The following SGCZ variants were observed in gnomAD, a reference collection of about 807,000 sequenced individuals.
The protein encoded by SGCZ is zeta-sarcoglycan.
Under a neutral mutation model 41.3 loss-of-function variants are expected in SGCZ, and 40 were observed. The ratio of observed to expected loss-of-function variants is 0.97; its 90% confidence interval spans 0.75 to 1.26. The LOEUF (loss-of-function observed/expected upper bound fraction) is 1.26. SGCZ is among the 50% of genes most tolerant of loss of function. The pLI, the probability that SGCZ is intolerant of heterozygous loss-of-function variation, is 0.00. For missense variants in SGCZ, 552 were observed against 369.8 expected, an observed-to-expected ratio of 1.49 and a Z score of -4.04; for synonymous variants, 206 against 137.5, an observed-to-expected ratio of 1.50 and a Z score of -3.49.
chr8:14,250,815 A>G (rs943466050), intron 3 of SGCZ, among the ~76,000 whole-genome samples: 8 of 152,182 alleles, frequency 5.3e-5, no homozygotes, highest in African/African-American at 1.7e-4. Flanking sequence ...TAGTGCCCTG[A>G]CAACTCTTCT....
At chr8:14,953,679 T>C (rs1299349653) in intron 1 of SGCZ, among the ~76,000 whole-genome samples, 3 of 152,172 alleles carry the variant, frequency 2.0e-5, no homozygotes, top group East Asian at 1.9e-4. Flanking sequence ...CACTTTACTA[T>C]ACTGGGACTC....
intron 1 of SGCZ, among the ~76,000 whole-genome samples, chr8:14,890,087 G>T (rs1194060676): frequency 6.6e-6 from 1 of 151,818 alleles, no homozygotes; most frequent in Non-Finnish European, 1.5e-5. Flanking sequence ...CATGGTCGTG[G>T]GCACCCATAG....
chr8:15,236,980 G>A (rs1444050370), intron 1 of SGCZ, among the ~76,000 whole-genome samples: 3 of 152,208 alleles, frequency 2.0e-5, no homozygotes, highest in Non-Finnish European at 2.9e-5. Context: ...CCCGGCAGCG[G>A]GGGTACCTCT....
intron 1 of SGCZ, among the ~76,000 whole-genome samples, chr8:14,988,694 T>C (rs569457669): frequency 2.6e-5 from 4 of 152,234 alleles, no homozygotes; most frequent in African/African-American, 9.6e-5. Flanking sequence ...CGTTATTATA[T>C]ATATTGTCAA....
intron 2 of SGCZ, among the ~76,000 whole-genome samples, chr8:14,357,657 G>T (rs1369220692): frequency 6.6e-6 from 1 of 152,084 alleles, no homozygotes; most frequent in African/African-American, 2.4e-5. Flanking sequence ...AATGTCAAAG[G>T]CATTGACTGT....
intron 2 of SGCZ, among the ~76,000 whole-genome samples, chr8:14,397,343 T>A (rs1798947782): frequency 6.6e-6 from 1 of 152,166 alleles, no homozygotes; most frequent in Non-Finnish European, 1.5e-5. Context: ...TAATTAGGTC[T>A]CCTTCCCAAT....
At chr8:14,755,793 A>G (rs1799645810) in intron 1 of SGCZ, among the ~76,000 whole-genome samples, 2 of 152,166 alleles carry the variant, frequency 1.3e-5, no homozygotes, top group Non-Finnish European at 1.5e-5. Flanking sequence ...GATGCAGCCC[A>G]TGTCCTCTAC....
At chr8:14,407,279 G>T (rs1799238137) in intron 2 of SGCZ, among the ~76,000 whole-genome samples, 1 of 151,866 alleles carries the variant, frequency 6.6e-6, no homozygotes. Flanking sequence ...ATGCTGGCCA[G>T]GCTGGTCACG....
chr8:15,012,657 A>ATAATATG (rs1802880168), intron 1 of SGCZ, among the ~76,000 whole-genome samples: 1 of 138,618 alleles, frequency 7.2e-6, no homozygotes, highest in Non-Finnish European at 1.5e-5. Flanking sequence ...TATATAATAT[A>ATAATATG]TAATATATAT....
chr8:15,121,351 T>G (rs147841800), intron 1 of SGCZ, among the ~76,000 whole-genome samples: 306 of 152,310 alleles, frequency 2.0e-3, no homozygotes, highest in African/African-American at 6.9e-3. Flanking sequence ...GCTAGTATAT[T>G]GGTTCTAGGT....
rs180763018 is a variant in SGCZ at position 14,119,744 on chromosome 8, C to G, written c.548-11509G>C. Among the ~76,000 whole-genome samples the G allele has an allele frequency of 4.5e-3, 691 of 152,176 alleles. 4 individuals carry two copies. Among genetic ancestry groups the G allele is most frequent in the Admixed American group, 6.6e-3 (101 of 15,282 alleles). ...ATTTTGAGATACATTCCATCAATAT[C>G]TAGTTTGTTGAGAGTTTTTAGCATG... On this transcript the variant is annotated intron_variant, in intron 5 of 7. Coordinates refer to ENST00000382080, the MANE Select transcript of SGCZ (RefSeq NM_139167.4).
intron 4 of SGCZ, among the ~76,000 whole-genome samples, chr8:14,211,320 T>C (rs2117095935): frequency 6.6e-6 from 1 of 152,246 alleles, no homozygotes; most frequent in South Asian, 2.1e-4. Context: ...CTACAGCCCA[T>C]GAAGCTTCTC....
At chr8:14,238,571 G>A (rs1258845979) in intron 3 of SGCZ, among the ~76,000 whole-genome samples, 1 of 152,142 alleles carries the variant, frequency 6.6e-6, no homozygotes, top group African/African-American at 2.4e-5. Flanking sequence ...CAATAACACT[G>A]CCTTAACAGC....
intron 1 of SGCZ, among the ~76,000 whole-genome samples, chr8:15,024,880 G>A (rs528940936): frequency 1.3e-5 from 2 of 152,116 alleles, no homozygotes; most frequent in South Asian, 4.1e-4. Flanking sequence ...AGCTTGCAGT[G>A]AGCCGAGATG....
chr8:15,183,526 A>G (rs551400568), intron 1 of SGCZ, among the ~76,000 whole-genome samples: 7 of 152,234 alleles, frequency 4.6e-5, no homozygotes, highest in African/African-American at 1.7e-4. Context: ...ATGTCATGTG[A>G]TCTTATATTG....
chr8:14,949,140 G>A (rs948511046), intron 1 of SGCZ, among the ~76,000 whole-genome samples: 12 of 152,166 alleles, frequency 7.9e-5, no homozygotes, highest in African/African-American at 2.9e-4. Flanking sequence ...AGCCTGAAAA[G>A]ATAATTAAAA....
chr8:14,303,767 A>G (rs1294033244), intron 3 of SGCZ, among the ~76,000 whole-genome samples: 1 of 152,024 alleles, frequency 6.6e-6, no homozygotes, highest in African/African-American at 2.4e-5. Context: ...ATCTACATAC[A>G]TATGTATATT....
At chr8:14,397,029 G>C (rs766130541) in intron 2 of SGCZ, among the ~76,000 whole-genome samples, 2 of 151,996 alleles carry the variant, frequency 1.3e-5, no homozygotes, top group Non-Finnish European at 2.9e-5. Context: ...AACTTTACAG[G>C]ACTCAAATTT....
At chr8:15,222,476 G>T (rs1235264970) in intron 1 of SGCZ, among the ~76,000 whole-genome samples, 1 of 152,014 alleles carries the variant, frequency 6.6e-6, no homozygotes. Context: ...GACCTGCTTG[G>T]CTAGCAAATC....
Sources: allele counts gnomAD v4.1 joint callset (sites outside exome capture counted in the v4.1 genomes callset), GRCh38; gene constraint gnomAD v4.1.1; transcripts MANE v1.5; gene names NCBI Gene and HGNC (gene_info 2026-07-23, HGNC 2026-07-21).